The following STXBP5L variants were observed in gnomAD, a reference collection of about 807,000 sequenced individuals.
STXBP5L encodes syntaxin binding protein 5L, also known as syntaxin-binding protein 5-like.
In STXBP5L, 65 loss-of-function variants were observed where a neutral mutation model predicts 144.5. That is an observed-to-expected ratio of 0.45 (90% CI 0.37 to 0.55). The LOEUF (loss-of-function observed/expected upper bound fraction) is 0.55, where lower values mean the gene tolerates loss of function less well. STXBP5L is among the 20% of genes least tolerant of loss of function. STXBP5L has a pLI of 0.00. For synonymous variants in STXBP5L, 505 were observed against 469.6 expected (o/e 1.08, Z -0.97); for missense variants, 1,298 against 1,405.5 (o/e 0.92, Z 1.22).
At position 121,210,284 on chromosome 3, in the gene STXBP5L, TG is replaced by T. The variant is rs577811041; in HGVS notation, c.956+4284del. The stretch of plus-strand genomic sequence containing the variant: ...TTGCCCATTTTTTGATGGAGTTGTT[TG>T]TTTTTTTCTTGTAAATTTAAGTTCA... On this transcript the variant is annotated intron_variant, in intron 10 of 26. Coordinates refer to ENST00000471454, the MANE Select transcript of STXBP5L (RefSeq NM_001308330.2). Among the ~76,000 whole-genome samples the T allele has an allele frequency of 5.4e-3, 821 of 152,344 alleles. 4 individuals are homozygous for T. The highest frequency in any genetic ancestry group is 9.3e-3 in the Non-Finnish European group (630 of 68,030).
chr3:121,417,379 A>T lies in STXBP5L; in HGVS notation c.3227-958A>T, dbSNP rs545146240. ...ATTAGATTCCATCCACTCTTATTTT[A>T]AAAAAAATCTAGAATCCATTCCAAT... On this transcript the variant is annotated intron_variant, in intron 25 of 26. Transcript: ENST00000471454. Among the ~76,000 whole-genome samples, 102 of 151,602 alleles carry T rather than the reference A, an allele frequency of 6.7e-4. 1 individual carries two copies. Among genetic ancestry groups the T allele is most frequent in the South Asian group, 5.6e-3 (27 of 4,798 alleles).
chr3:121,290,347 A>T (rs1388344334), intron 19 of STXBP5L, among the ~76,000 whole-genome samples: 1 of 152,178 alleles, frequency 6.6e-6, no homozygotes, highest in East Asian at 1.9e-4. Context: ...CCTGGATTAA[A>T]CCAGGAAGAA....
chr3:120,943,480 T>C (rs1182834781), intron 2 of STXBP5L, among the ~76,000 whole-genome samples: 1 of 148,466 alleles, frequency 6.7e-6, no homozygotes, highest in Non-Finnish European at 1.5e-5. Context: ...AATAAGTTAG[T>C]AACTAATAAG....
chr3:121,373,920 C>T (rs1162358264), intron 20 of STXBP5L, among the ~76,000 whole-genome samples: 1 of 152,154 alleles, frequency 6.6e-6, no homozygotes, highest in African/African-American at 2.4e-5. Flanking sequence ...TACCCAGGGA[C>T]TCAAGGAGCA....
intron 3 of STXBP5L, among the ~76,000 whole-genome samples, chr3:120,965,368 G>A (rs1296437067): frequency 6.6e-6 from 1 of 152,152 alleles, no homozygotes; most frequent in Non-Finnish European, 1.5e-5. Flanking sequence ...TTTCTTCATA[G>A]CATCGATGGT....
intron 11 of STXBP5L, among the ~76,000 whole-genome samples, chr3:121,231,284 G>A (rs372750598): frequency 3.3e-5 from 5 of 152,298 alleles, no homozygotes; most frequent in East Asian, 1.9e-4. Context: ...AGCATAGCTT[G>A]TTGTCTCATG....
chr3:120,929,725 T>C (rs1185843740), intron 2 of STXBP5L, among the ~76,000 whole-genome samples: 1 of 152,172 alleles, frequency 6.6e-6, no homozygotes, highest in Non-Finnish European at 1.5e-5. Flanking sequence ...CCTAGTAGTA[T>C]ATAACTGTCA....
At chr3:121,255,224 G>A in intron 16 of STXBP5L, 112 bp downstream of exon 16, 2 of 663,162 alleles carry the variant, frequency 3.0e-6, no homozygotes, top group South Asian at 3.2e-5. Flanking sequence ...TATGTGGCTA[G>A]TAATACAATT....
chr3:121,332,407 CAA>C (rs201605873), intron 20 of STXBP5L, among the ~76,000 whole-genome samples: 2,028 of 86,528 alleles, frequency 0.023, 41 homozygotes, highest in African/African-American at 0.071. Context: ...TAGATATTTT[CAA>C]AAAAAAAAAA....
intron 19 of STXBP5L, among the ~76,000 whole-genome samples, chr3:121,311,823 A>T (rs2043539540): frequency 1.3e-5 from 2 of 152,220 alleles, no homozygotes; most frequent in African/African-American, 4.8e-5. Flanking sequence ...GACTTTCTTC[A>T]CAGAATTGGA....
At chr3:121,105,061 C>T (rs1029014243) in intron 5 of STXBP5L, among the ~76,000 whole-genome samples, 2 of 152,020 alleles carry the variant, frequency 1.3e-5, no homozygotes, top group African/African-American at 4.8e-5. Context: ...CAAATAATCC[C>T]ATCAAAAAGT....
At position 120,979,597 on chromosome 3, in the gene STXBP5L, C is replaced by T. The variant is rs543314298; in HGVS notation, c.287+24560C>T. Among the ~76,000 whole-genome samples, 70 of 152,196 alleles carry T rather than the reference C, an allele frequency of 4.6e-4. 3 individuals are homozygous for T. The highest frequency in any genetic ancestry group is 3.1e-3 in the Admixed American group (48 of 15,294). ...CTGGCACTCCCTAGTGAGATGAACCCGGTACCTCCGATGGAAATGCAGAAA... is the reference window on the plus strand; with the variant it reads ...CTGGCACTCCCTAGTGAGATGAACCTGGTACCTCCGATGGAAATGCAGAAA... On this transcript the variant is annotated intron_variant, in intron 3 of 26. Coordinates refer to ENST00000471454, the MANE Select transcript of STXBP5L (RefSeq NM_001308330.2).
intron 5 of STXBP5L, among the ~76,000 whole-genome samples, chr3:121,079,496 C>G (rs984586358): frequency 6.6e-6 from 1 of 152,188 alleles, no homozygotes; most frequent in South Asian, 2.1e-4. Context: ...GGGAGGGTCA[C>G]AATTTGCAGC....
chr3:121,101,822 A>T (rs1559747203), intron 5 of STXBP5L, among the ~76,000 whole-genome samples: 1 of 152,154 alleles, frequency 6.6e-6, no homozygotes, highest in Non-Finnish European at 1.5e-5. Context: ...ATAATTCTAT[A>T]CCTAGAAAAC....
At chr3:121,107,045 G>T (rs1245942925) in intron 5 of STXBP5L, among the ~76,000 whole-genome samples, 1 of 151,346 alleles carries the variant, frequency 6.6e-6, no homozygotes, top group Non-Finnish European at 1.5e-5. Flanking sequence ...GTTATCTTTG[G>T]AGAAGTTTCT....
intron 9 of STXBP5L, among the ~76,000 whole-genome samples, chr3:121,204,083 C>G (rs1469095901): frequency 6.6e-6 from 1 of 151,964 alleles, no homozygotes; most frequent in Non-Finnish European, 1.5e-5. Flanking sequence ...ACTAAAAATA[C>G]AAAAAATTAG....
At chr3:121,303,906 A>G (rs2043237639) in intron 19 of STXBP5L, among the ~76,000 whole-genome samples, 1 of 152,148 alleles carries the variant, frequency 6.6e-6, no homozygotes, top group African/African-American at 2.4e-5. Context: ...GAGGGATAGC[A>G]TTAGGAGATA....
At chr3:120,990,013 A>C (rs1367572708) in intron 3 of STXBP5L, among the ~76,000 whole-genome samples, 2 of 152,154 alleles carry the variant, frequency 1.3e-5, no homozygotes, top group Admixed American at 6.6e-5. Context: ...CGAGGAAGTC[A>C]AATTGTCCCT....
intron 2 of STXBP5L, among the ~76,000 whole-genome samples, chr3:120,952,160 T>TGGGG (rs983225796): frequency 1.1e-5 from 1 of 87,614 alleles, no homozygotes; most frequent in East Asian, 3.4e-4. Context: ...TGTTGTGGGG[T>TGGGG]GGGGGGATGG....
Sources: allele counts gnomAD v4.1 joint callset (sites outside exome capture counted in the v4.1 genomes callset), GRCh38; gene constraint gnomAD v4.1.1; transcripts MANE v1.5; gene names NCBI Gene and HGNC (gene_info 2026-07-23, HGNC 2026-07-21).